Variants in CREB1 observed in about 807,000 individuals in gnomAD.
The protein encoded by CREB1 is cyclic AMP-responsive element-binding protein 1.
In CREB1, 2 loss-of-function variants were observed where a neutral mutation model predicts 42.0. The observed-to-expected ratio is 0.05, with a 90% CI of 0.02 to 0.15. The LOEUF is 0.15. CREB1 is among the 10% of genes least tolerant of loss of function. The pLI is 1.00. For missense variants in CREB1, 199 were observed against 388.9 expected, an observed-to-expected ratio of 0.51 and a Z score of 4.11; for synonymous variants, 123 against 139.9, an observed-to-expected ratio of 0.88 and a Z score of 0.85.
intron 1 of CREB1, among the ~76,000 whole-genome samples, chr2:207,537,679 T>TATTTTGAGAAA (rs2080928392): frequency 6.6e-6 from 1 of 152,200 alleles, no homozygotes. Flanking sequence ...AGACAAAACT[T>TATTTTGAGAAA]AAATAAGAAT....
intron 1 of CREB1, among the ~76,000 whole-genome samples, chr2:207,533,570 CTTGTTT>C (rs2080744717): frequency 6.6e-6 from 1 of 152,116 alleles, no homozygotes; most frequent in South Asian, 2.1e-4. Flanking sequence ...GTTACATAAA[CTTGTTT>C]ACAGCCAGCT....
chr2:207,552,421 G>A (rs2081544610), intron 1 of CREB1, among the ~76,000 whole-genome samples: 1 of 151,876 alleles, frequency 6.6e-6, no homozygotes, highest in Non-Finnish European at 1.5e-5. Context: ...TTAATCAAAT[G>A]GTAGGGTAAA....
In CREB1 at chr2:207,604,600, T is replaced by G. The variant is rs2087752319; in HGVS notation, c.*7542T>G. On this transcript the variant is annotated 3_prime_UTR_variant, in exon 8 of 8. Coordinates refer to ENST00000353267, the MANE Select transcript of CREB1 (RefSeq NM_004379.5). ...TTGGAATGTTATCCTTGTTTTTAAT[T>G]AAGATGCAATTCACATAAATTAACT... 6.6e-6 allele frequency among the ~76,000 whole-genome samples: 1 copy of G among 152,344 alleles called. No homozygotes were observed. The highest frequency in any genetic ancestry group is 3.4e-3 in the Middle Eastern group (1 of 294).
chr2:207,532,878 C>A lies in CREB1; in HGVS notation c.-9+2744C>A, dbSNP rs567364319. 1.1e-4 allele frequency among the ~76,000 whole-genome samples: 17 copies of A among 152,072 alleles called. No homozygotes were observed. In the East Asian group the frequency reaches 2.9e-3, roughly 26 times the overall value. On this transcript the variant is annotated intron_variant, in intron 1 of 7. Transcript: ENST00000353267. ...TCAAGCAATTCTCCTGCCCCAGCCC[C>A]CCGAGTAGCTGGGATTACAGGTGTG...
intron 7 of CREB1, chr2:207,578,176 C>G (rs905424379): frequency 6.6e-6 from 1 of 152,196 alleles, no homozygotes; most frequent in African/African-American, 2.4e-5. Context: ...TACCATGTTA[C>G]GGACAAAAAT....
intron 4 of CREB1, among the ~76,000 whole-genome samples, chr2:207,569,546 C>G (rs1016898115): frequency 6.6e-5 from 10 of 151,752 alleles, no homozygotes; most frequent in Non-Finnish European, 1.5e-4. Flanking sequence ...TTTTTACTTT[C>G]CGACTTTGTG....
At chr2:207,540,397 T>G in intron 1 of CREB1, among the ~76,000 whole-genome samples, 1 of 151,814 alleles carries the variant, frequency 6.6e-6, no homozygotes, top group East Asian at 1.9e-4. Context: ...TCCTAGCACT[T>G]GGGGAGGCTG....
At chr2:207,577,182 G>A in intron 6 of CREB1, 1 of 1,085,322 alleles carries the variant, frequency 9.2e-7, no homozygotes, top group South Asian at 2.8e-5. Flanking sequence ...CTCTATCTAG[G>A]AAGATCATCC....
intron 1 of CREB1, among the ~76,000 whole-genome samples, chr2:207,533,726 G>A (rs2080751971): frequency 6.6e-6 from 1 of 151,692 alleles, no homozygotes; most frequent in Non-Finnish European, 1.5e-5. Context: ...TCTTACCCAT[G>A]TGTAAACTCA....
At chr2:207,588,558 G>A (rs1450374772) in intron 7 of CREB1, among the ~76,000 whole-genome samples, 1 of 152,140 alleles carries the variant, frequency 6.6e-6, no homozygotes, top group Non-Finnish European at 1.5e-5. Context: ...TCTACGGAAA[G>A]TGTGCTAGAA....
At chr2:207,592,223 T>C (rs1049750082) in intron 7 of CREB1, among the ~76,000 whole-genome samples, 3 of 152,052 alleles carry the variant, frequency 2.0e-5, no homozygotes, top group African/African-American at 7.2e-5. Flanking sequence ...CTGGCCAACA[T>C]GGTGAAACCC....
chr2:207,543,531 A>C (rs953157629), intron 1 of CREB1, among the ~76,000 whole-genome samples: 1 of 150,996 alleles, frequency 6.6e-6, no homozygotes, highest in African/African-American at 2.4e-5. Context: ...AGTCTTCATC[A>C]CTCTTGTAGT....
intron 7 of CREB1, 64 bp from the exon 8 acceptor site, chr2:207,596,849 AG>A: frequency 1.3e-6 from 2 of 1,558,516 alleles, no homozygotes; most frequent in South Asian, 1.2e-5. Flanking sequence ...GAAAAAAAAA[AG>A]GTAATCCAAA....
At position 207,596,897 on chromosome 2, in the gene CREB1, TC is replaced by T. The variant is rs57116025; in HGVS notation, c.840-15del. 43,741 of 1,592,366 alleles carry T rather than the reference TC, an allele frequency of 0.027. 747 individuals are homozygous for T. Among genetic ancestry groups the T allele is most frequent in the African/African-American group, 0.066 (4,865 of 73,570 alleles). On this transcript the variant is annotated splice_polypyrimidine_tract_variant and intron_variant, in intron 7 of 7. Coordinates refer to ENST00000353267, the MANE Select transcript of CREB1 (RefSeq NM_004379.5). Reference sequence around the variant, plus strand: ...GAAATCATTTGCATAATTTTTCCCGTCCTCTTTTGCTTGTAGGGAAGCAGCT... The same window carrying T: ...GAAATCATTTGCATAATTTTTCCCGTCTCTTTTGCTTGTAGGGAAGCAGCT...
At chr2:207,557,041 GGGA>G (rs2106461995) in intron 2 of CREB1, among the ~76,000 whole-genome samples, 1 of 152,276 alleles carries the variant, frequency 6.6e-6, no homozygotes, top group African/African-American at 2.4e-5. Flanking sequence ...AGAAGGCTGA[GGGA>G]GGAGAATTGC....
chr2:207,576,914 C>T (rs1289673227), intron 6 of CREB1: 57 of 895,284 alleles, frequency 6.4e-5, no homozygotes, highest in Non-Finnish European at 7.1e-5. Context: ...AATAAAACTT[C>T]AGTTTATTTA....
At chr2:207,548,883 A>G (rs772727532) in intron 1 of CREB1, among the ~76,000 whole-genome samples, 16 of 152,168 alleles carry the variant, frequency 1.1e-4, no homozygotes, top group Non-Finnish European at 2.4e-4. Context: ...ACAAATTTTC[A>G]AGCTTGCTTT....
chr2:207,585,396 AC>A (rs1559063575), intron 7 of CREB1, among the ~76,000 whole-genome samples: 2 of 152,148 alleles, frequency 1.3e-5, no homozygotes, highest in African/African-American at 4.8e-5. Context: ...AATCCAGAGC[AC>A]CCTACCCAGC....
chr2:207,577,322 T>A lies in CREB1; in HGVS notation c.689-183T>A, dbSNP rs903373276. On this transcript the variant is annotated intron_variant, in intron 6 of 7. Transcript: ENST00000353267. Reference sequence around the variant, plus strand: ...AGGTTACTGTAATAAATACATTACATTGGGAATTATTTCTTAGTAGTGGCG... The same window carrying A: ...AGGTTACTGTAATAAATACATTACAATGGGAATTATTTCTTAGTAGTGGCG... The A allele has an allele frequency of 5.0e-6, 5 of 1,008,088 alleles. No homozygotes were observed. The East Asian group carries it at 1.4e-4, about 28-fold the overall frequency. The allele number at this position is 1,008,088 out of a possible 1,614,324, so 62.4% of individuals were successfully genotyped here.
Sources: gnomAD v4.1 joint callset for allele counts (sites outside exome capture counted in the v4.1 genomes callset) on GRCh38, gnomAD v4.1.1 for gene constraint, MANE v1.5 for transcripts, NCBI Gene and HGNC (gene_info 2026-07-23, HGNC 2026-07-21) for gene names.